Variants in PLCL1 observed in about 807,000 individuals in gnomAD.
PLCL1 encodes the protein inactive phospholipase C-like protein 1.
A neutral mutation model predicts 84.4 loss-of-function variants in PLCL1; 41 were observed. That is an observed-to-expected ratio of 0.49 (90% CI 0.38 to 0.63). The LOEUF (loss-of-function observed/expected upper bound fraction) is 0.63, where lower values mean the gene tolerates loss of function less well. Among genes scored for constraint, PLCL1 ranks in the 30% least tolerant of loss-of-function variants. The probability of loss-of-function intolerance (pLI) is 0.00; values close to 1 mark genes in which losing one functional copy is unlikely to be tolerated. For synonymous variants in PLCL1, 490 were observed against 488.3 expected, an observed-to-expected ratio of 1.00 and a Z score of -0.05; for missense variants, 1,206 against 1,367.8, an observed-to-expected ratio of 0.88 and a Z score of 1.87.
chr2:198,051,797 C>T (rs1278754675), intron 1 of PLCL1, among the ~76,000 whole-genome samples: 7 of 151,916 alleles, frequency 4.6e-5, no homozygotes, highest in Non-Finnish European at 8.8e-5. Flanking sequence ...TGCAGTGGCG[C>T]GATCTCGGCT....
intron 1 of PLCL1, among the ~76,000 whole-genome samples, chr2:197,913,636 G>T (rs1029648912): frequency 2.0e-5 from 3 of 152,162 alleles, no homozygotes; most frequent in Non-Finnish European, 4.4e-5. Flanking sequence ...CAGACAGCTT[G>T]CTTTATAAAC....
At chr2:198,098,801 G>A (rs1327294578) in intron 3 of PLCL1, among the ~76,000 whole-genome samples, 1 of 152,152 alleles carries the variant, frequency 6.6e-6, no homozygotes, top group East Asian at 1.9e-4. Flanking sequence ...AGAGCTGGAA[G>A]GATAGTTTCT....
At chr2:197,885,926 A>G (rs1687914715) in intron 1 of PLCL1, among the ~76,000 whole-genome samples, 1 of 152,182 alleles carries the variant, frequency 6.6e-6, no homozygotes, top group South Asian at 2.1e-4. Flanking sequence ...ATTAGAACTA[A>G]AACTATAGCT....
chr2:197,865,924 C>G (rs1480506589), intron 1 of PLCL1, among the ~76,000 whole-genome samples: 2 of 140,958 alleles, frequency 1.4e-5, no homozygotes, highest in Admixed American at 1.5e-4. Context: ...GAGGCGGGAG[C>G]ATAGCTTGAG....
At chr2:197,925,364 T>G (rs937017806) in intron 1 of PLCL1, among the ~76,000 whole-genome samples, 6 of 152,210 alleles carry the variant, frequency 3.9e-5, no homozygotes, top group South Asian at 2.1e-4. Flanking sequence ...TTCTAGCTAG[T>G]GGATTGCTTA....
intron 1 of PLCL1, among the ~76,000 whole-genome samples, chr2:198,011,481 A>G (rs1386287565): frequency 1.3e-5 from 2 of 151,992 alleles, no homozygotes; most frequent in African/African-American, 2.4e-5. Flanking sequence ...AAGGTATTTT[A>G]TATGATTTCA....
chr2:197,839,295 A>G (rs1691250702), intron 1 of PLCL1, among the ~76,000 whole-genome samples: 3 of 152,254 alleles, frequency 2.0e-5, no homozygotes, highest in Admixed American at 2.0e-4. Flanking sequence ...TATGCTCTAA[A>G]TCAGCAGTCC....
At chr2:198,120,678 C>A (rs191649247) in intron 5 of PLCL1, among the ~76,000 whole-genome samples, 1 of 151,966 alleles carries the variant, frequency 6.6e-6, no homozygotes, top group African/African-American at 2.4e-5. Flanking sequence ...CTGAATAGTA[C>A]TCCATATGTA....
At position 198,050,577 on chromosome 2, in the gene PLCL1, A is replaced by G. The variant is rs530874307; in HGVS notation, c.241-33181A>G. 1.1e-4 allele frequency among the ~76,000 whole-genome samples: 16 copies of G among 152,360 alleles called. No individual in the cohort carries two copies. The East Asian group carries it at 2.7e-3, about 26-fold the overall frequency. On this transcript the variant is annotated intron_variant, in intron 1 of 5. Coordinates refer to ENST00000428675, the MANE Select transcript of PLCL1 (RefSeq NM_006226.4). ...CTAGAACTTTTTCAGTTCAAAGCTGAATGCTAAAAGGTTGTTTTGTGTGCT... is the reference window on the plus strand; with the variant it reads ...CTAGAACTTTTTCAGTTCAAAGCTGGATGCTAAAAGGTTGTTTTGTGTGCT...
intron 3 of PLCL1, among the ~76,000 whole-genome samples, chr2:198,098,189 CAA>C (rs1234526683): frequency 1.3e-5 from 2 of 151,702 alleles, no homozygotes; most frequent in Admixed American, 6.6e-5. Flanking sequence ...AAGGAGAGGA[CAA>C]AAAAAGTCTA....
intron 1 of PLCL1, among the ~76,000 whole-genome samples, chr2:198,079,116 T>A (rs1196925449): frequency 6.6e-6 from 1 of 151,906 alleles, no homozygotes; most frequent in Non-Finnish European, 1.5e-5. Context: ...TGAAGAAAAA[T>A]GATTTTTTTT....
intron 3 of PLCL1, among the ~76,000 whole-genome samples, chr2:198,095,372 AT>A (rs1194637237): frequency 6.6e-6 from 1 of 152,206 alleles, no homozygotes; most frequent in Non-Finnish European, 1.5e-5. Flanking sequence ...ATATAATTAT[AT>A]TTTGCAAATA....
At chr2:198,101,491 A>G (rs1693334664) in intron 4 of PLCL1, 131 bp downstream of exon 4, 4 of 607,770 alleles carry the variant, frequency 6.6e-6, no homozygotes, top group Admixed American at 3.1e-5. Flanking sequence ...AGCAATGCTT[A>G]ACTATACTTT....
intron 1 of PLCL1, among the ~76,000 whole-genome samples, chr2:197,971,227 A>G (rs1274050801): frequency 1.3e-5 from 2 of 152,252 alleles, no homozygotes; most frequent in East Asian, 3.8e-4. Context: ...AAAAGGAAAC[A>G]GAAAAAGAGA....
chr2:198,021,066 A>G (rs1471698070), intron 1 of PLCL1, among the ~76,000 whole-genome samples: 1 of 152,258 alleles, frequency 6.6e-6, no homozygotes, highest in Non-Finnish European at 1.5e-5. Context: ...CCACAGTGCA[A>G]TCAAATTAGA....
At chr2:197,935,824 G>T (rs980292468) in intron 1 of PLCL1, among the ~76,000 whole-genome samples, 2 of 152,076 alleles carry the variant, frequency 1.3e-5, no homozygotes, top group Admixed American at 6.6e-5. Flanking sequence ...ACAGACCATA[G>T]TCACCATGCT....
rs762712848 is a variant in PLCL1, at chr2:198,103,768, TA to T, written c.2996-57del. 2.0e-4 allele frequency: 155 copies of T among 756,446 alleles called. 1 individual carries two copies. The East Asian group carries it at 3.8e-3, about 18-fold the overall frequency. 46.9% of individuals were successfully genotyped at this position (756,446 alleles called of 1,614,324 possible). ...TATTTTACTGATAATATTTTCATTA[TA>T]AGATGCCCATTTTTCTGAGATATAT... is the stretch of plus-strand genomic sequence containing the variant. On this transcript the variant is annotated intron_variant, in intron 4 of 5. Transcript: ENST00000428675.
rs138513259 is a variant in PLCL1, at chr2:197,846,131, A to G, written c.240+40792A>G. On this transcript the variant is annotated intron_variant, in intron 1 of 5. Coordinates refer to ENST00000428675, the MANE Select transcript of PLCL1 (RefSeq NM_006226.4). ...CTGTTCGGAACTACGCTACTAAAAT[A>G]GGCTGTATATACACTTTTTCCAGGT... Among the ~76,000 whole-genome samples, 154 of 152,294 alleles carry G rather than the reference A, an allele frequency of 1.0e-3. 1 individual carries two copies. The highest frequency in any genetic ancestry group is 3.6e-3 in the African/African-American group (149 of 41,582).
At chr2:197,826,436 G>C (rs1173562668) in intron 1 of PLCL1, among the ~76,000 whole-genome samples, 1 of 152,128 alleles carries the variant, frequency 6.6e-6, no homozygotes, top group African/African-American at 2.4e-5. Context: ...TGAAGATGAG[G>C]AAGAATGTGG....
Sources: gnomAD v4.1 joint callset for allele counts (sites outside exome capture counted in the v4.1 genomes callset) on GRCh38, gnomAD v4.1.1 for gene constraint, MANE v1.5 for transcripts, NCBI Gene and HGNC (gene_info 2026-07-23, HGNC 2026-07-21) for gene names.